The following ZFPM2 variants were observed in gnomAD, a reference collection of about 807,000 sequenced individuals.
The protein encoded by ZFPM2 is zinc finger protein, FOG family member 2.
In ZFPM2, 20 loss-of-function variants were observed where a neutral mutation model predicts 98.6. The observed-to-expected ratio is 0.20, with a 90% CI of 0.14 to 0.29. The LOEUF is 0.29. Among genes scored for constraint, ZFPM2 ranks in the 10% least tolerant of loss-of-function variants. ZFPM2 has a pLI of 1.00. For missense variants in ZFPM2, 1,310 were observed against 1,388.6 expected (o/e 0.94, Z 0.90); for synonymous variants, 518 against 502.7 (o/e 1.03, Z -0.41).
intron 3 of ZFPM2, among the ~76,000 whole-genome samples, chr8:105,501,221 C>T (rs1412878825): frequency 6.9e-6 from 1 of 144,450 alleles, no homozygotes; most frequent in East Asian, 2.0e-4. Context: ...CTTGCTCTGT[C>T]GCCCAGGTTG....
chr8:105,698,201 A>G (rs185189181), intron 5 of ZFPM2, among the ~76,000 whole-genome samples: 1 of 152,304 alleles, frequency 6.6e-6, no homozygotes, highest in East Asian at 1.9e-4. Flanking sequence ...ATCATGAGCC[A>G]GGATATACTT....
rs561420822 is a variant in ZFPM2 at position 105,364,335 on chromosome 8, TA to T, written c.40+45361del. Among the ~76,000 whole-genome samples, 118 of 152,076 alleles carry T rather than the reference TA, an allele frequency of 7.8e-4. 1 individual carries two copies. Among genetic ancestry groups the T allele is most frequent in the African/African-American group, 2.6e-3 (109 of 41,512 alleles). Reference sequence around the variant, plus strand: ...TTACTAGGTCAAGAAATAGGGCAATTAAAAAAATAATTCATGGCAAGTAGGA... The same window carrying T: ...TTACTAGGTCAAGAAATAGGGCAATTAAAAAATAATTCATGGCAAGTAGGA... On this transcript the variant is annotated intron_variant, in intron 1 of 7. Transcript: ENST00000407775.
chr8:105,761,305 G>T (rs1812730046), intron 5 of ZFPM2, among the ~76,000 whole-genome samples: 1 of 151,978 alleles, frequency 6.6e-6, no homozygotes, highest in African/African-American at 2.4e-5. Flanking sequence ...TTCACCCTCT[G>T]TGCTCCACAT....
intron 3 of ZFPM2, among the ~76,000 whole-genome samples, chr8:105,489,388 A>T (rs989984845): frequency 6.8e-6 from 1 of 147,020 alleles, no homozygotes; most frequent in Non-Finnish European, 1.5e-5. Flanking sequence ...ATATTTATAG[A>T]TATATATTTT....
intron 3 of ZFPM2, 113 bp from the exon 4 acceptor site, chr8:105,561,250 C>A: frequency 1.3e-6 from 1 of 795,554 alleles, no homozygotes. Flanking sequence ...ATAATTAATT[C>A]TCTTTATATG....
intron 3 of ZFPM2, among the ~76,000 whole-genome samples, chr8:105,557,775 G>T (rs1815032240): frequency 6.6e-6 from 1 of 152,176 alleles, no homozygotes; most frequent in South Asian, 2.1e-4. Context: ...AAGAATTGGA[G>T]CTTTTCCATC....
At chr8:105,630,212 A>G (rs1053507240) in intron 4 of ZFPM2, among the ~76,000 whole-genome samples, 21 of 152,216 alleles carry the variant, frequency 1.4e-4, no homozygotes, top group African/African-American at 5.1e-4. Flanking sequence ...TTAGCATTCT[A>G]GAATTTTATG....
chr8:105,348,779 T>C (rs1215948449), intron 1 of ZFPM2, among the ~76,000 whole-genome samples: 2 of 152,192 alleles, frequency 1.3e-5, no homozygotes. Flanking sequence ...ACATTCCCTT[T>C]TGTAATTAGA....
At chr8:105,610,927 T>C (rs1430055699) in intron 4 of ZFPM2, among the ~76,000 whole-genome samples, 2 of 152,168 alleles carry the variant, frequency 1.3e-5, no homozygotes, top group African/African-American at 4.8e-5. Context: ...ATGATACATG[T>C]AGAGCTACCA....
chr8:105,723,558 C>T (rs1299380547), intron 5 of ZFPM2, among the ~76,000 whole-genome samples: 1 of 151,798 alleles, frequency 6.6e-6, no homozygotes, highest in Non-Finnish European at 1.5e-5. Context: ...CTTATACTGG[C>T]AAGATACGTC....
At chr8:105,521,453 T>G (rs1211416320) in intron 3 of ZFPM2, among the ~76,000 whole-genome samples, 2 of 152,154 alleles carry the variant, frequency 1.3e-5, no homozygotes, top group African/African-American at 4.8e-5. Flanking sequence ...ATTAATGGCT[T>G]TAATAAATTA....
intron 4 of ZFPM2, among the ~76,000 whole-genome samples, chr8:105,569,659 G>A (rs1357029183): frequency 6.6e-6 from 1 of 152,188 alleles, no homozygotes; most frequent in African/African-American, 2.4e-5. Context: ...AGGAGGATGA[G>A]GTGTTGCGCC....
intron 3 of ZFPM2, among the ~76,000 whole-genome samples, chr8:105,536,354 C>G (rs1276738069): frequency 6.6e-6 from 1 of 151,812 alleles, no homozygotes; most frequent in African/African-American, 2.4e-5. Flanking sequence ...AAAAGAGACT[C>G]GTATTTAAGT....
At chr8:105,502,596 C>T (rs1341662558) in intron 3 of ZFPM2, among the ~76,000 whole-genome samples, 1 of 152,180 alleles carries the variant, frequency 6.6e-6, no homozygotes, top group East Asian at 1.9e-4. Flanking sequence ...AATTTGCAAT[C>T]ATCTAGAAAA....
intron 5 of ZFPM2, among the ~76,000 whole-genome samples, chr8:105,786,541 T>C (rs1813421189): frequency 6.6e-6 from 1 of 152,116 alleles, no homozygotes; most frequent in Non-Finnish European, 1.5e-5. Flanking sequence ...CCGTTTAGAA[T>C]GATACGCTCT....
intron 3 of ZFPM2, among the ~76,000 whole-genome samples, chr8:105,535,216 ACTGT>A (rs1218866665): frequency 2.0e-5 from 3 of 152,152 alleles, no homozygotes; most frequent in Non-Finnish European, 4.4e-5. Flanking sequence ...TAAAGGAAAG[ACTGT>A]CTGTTTCCCA....
intron 1 of ZFPM2, among the ~76,000 whole-genome samples, chr8:105,373,843 A>G (rs1810670167): frequency 6.6e-6 from 1 of 152,242 alleles, no homozygotes; most frequent in Non-Finnish European, 1.5e-5. Flanking sequence ...CTGATGACAT[A>G]CAATAGGCAG....
chr8:105,802,473 A>G lies in ZFPM2; in HGVS notation c.2391A>G (p.Lys797=), dbSNP rs1586285553. 1 of 1,613,362 alleles carries G rather than the reference A, an allele frequency of 6.2e-7. No homozygotes were observed. Among genetic ancestry groups the G allele is most frequent in the East Asian group, 2.2e-5 (1 of 44,832 alleles). ...RCDIFPGIVS[K]HLETSLTINK... is the part of the protein sequence containing the mutation. ...ATATCTTTCCAGGAATTGTCTCTAA[A>G]CACTTGGAAACTTCTCTGACGATCA... is the stretch of plus-strand genomic sequence containing the variant. The change falls in exon 8 of 8, where the codon AAA becomes AAG. Residue 797 remains lysine (K), a synonymous_variant. Coordinates refer to ENST00000407775, the MANE Select transcript of ZFPM2 (RefSeq NM_012082.4).
At chr8:105,769,336 G>A (rs1054543194) in intron 5 of ZFPM2, among the ~76,000 whole-genome samples, 16 of 151,912 alleles carry the variant, frequency 1.1e-4, no homozygotes, top group South Asian at 4.2e-4. Context: ...TTTATCCACC[G>A]TTTTCCTTTG....
Sources: allele counts gnomAD v4.1 joint callset (sites outside exome capture counted in the v4.1 genomes callset), GRCh38; gene constraint gnomAD v4.1.1; transcripts MANE v1.5; gene names NCBI Gene and HGNC (gene_info 2026-07-23, HGNC 2026-07-21).